The following KIAA1328 variants were observed in gnomAD, a reference collection of about 807,000 sequenced individuals.
KIAA1328 encodes protein hinderin.
KIAA1328 carries 52 observed loss-of-function variants against 68.1 expected under a neutral mutation model. The observed-to-expected ratio is 0.76, with a 90% confidence interval of 0.61 to 0.96. KIAA1328 has a LOEUF of 0.96. Ranked by LOEUF, KIAA1328 falls within the 40% of genes least tolerant of loss-of-function variation. The probability of loss-of-function intolerance (pLI) is 0.00; values close to 1 mark genes in which losing one functional copy is unlikely to be tolerated. For missense variants in KIAA1328, 641 were observed against 677.6 expected, an observed-to-expected ratio of 0.95 and a Z score of 0.60; for synonymous variants, 232 against 239.4, an observed-to-expected ratio of 0.97 and a Z score of 0.28.
chr18:37,185,374 C>G (rs2059776096), intron 9 of KIAA1328, among the ~76,000 whole-genome samples: 1 of 152,010 alleles, frequency 6.6e-6, no homozygotes, highest in East Asian at 1.9e-4. Flanking sequence ...TGGAAAACAT[C>G]AAATCTTACT....
intron 6 of KIAA1328, among the ~76,000 whole-genome samples, chr18:37,027,990 C>G (rs548214721): frequency 1.6e-4 from 25 of 152,182 alleles, no homozygotes; most frequent in Admixed American, 1.6e-3. Context: ...CCAGAATCTA[C>G]AAAGAACTCA....
intron 9 of KIAA1328, among the ~76,000 whole-genome samples, chr18:37,220,729 G>A (rs1287933825): frequency 6.6e-6 from 1 of 152,216 alleles, no homozygotes; most frequent in Non-Finnish European, 1.5e-5. Flanking sequence ...TGCTGCTTCT[G>A]CCATTGTCAC....
chr18:36,851,928 A>T (rs983943992), intron 4 of KIAA1328, among the ~76,000 whole-genome samples: 5 of 151,606 alleles, frequency 3.3e-5, no homozygotes, highest in East Asian at 1.9e-4. Context: ...ATAGCTATAA[A>T]TTTTCCTCTG....
intron 6 of KIAA1328, among the ~76,000 whole-genome samples, chr18:36,981,163 C>T (rs896460853): frequency 5.9e-5 from 9 of 152,102 alleles, no homozygotes; most frequent in Non-Finnish European, 1.2e-4. Context: ...ATTTATAGGG[C>T]ATTGGGTAGA....
At chr18:37,117,881 A>T (rs1364220740) in intron 7 of KIAA1328, among the ~76,000 whole-genome samples, 2 of 131,104 alleles carry the variant, frequency 1.5e-5, no homozygotes, top group Non-Finnish European at 3.3e-5. Flanking sequence ...TGGTTTAAAA[A>T]AAAAAAATAT....
Position 36,999,295 on chromosome 18 carries a change from A to G in KIAA1328, c.576+39860A>G, listed in dbSNP as rs527770079. Among the ~76,000 whole-genome samples the G allele has an allele frequency of 2.0e-5, 3 of 152,342 alleles. No homozygotes were observed. The East Asian group carries it at 5.8e-4, about 29-fold the overall frequency. ...TATTTGGGACACAAAGACACTGAAT[A>G]TTTGAATTATCAGTATTTTAAAGAG... is the stretch of plus-strand genomic sequence containing the variant. On this transcript the variant is annotated intron_variant, in intron 6 of 9. Coordinates refer to ENST00000280020, the MANE Select transcript of KIAA1328 (RefSeq NM_020776.3).
At chr18:37,008,621 C>T (rs2053866103) in intron 6 of KIAA1328, among the ~76,000 whole-genome samples, 1 of 152,154 alleles carries the variant, frequency 6.6e-6, no homozygotes, top group South Asian at 2.1e-4. Flanking sequence ...GACTTTAAAG[C>T]AGCTATTATA....
At chr18:36,982,444 C>G (rs1049919264) in intron 6 of KIAA1328, among the ~76,000 whole-genome samples, 3 of 151,344 alleles carry the variant, frequency 2.0e-5, no homozygotes, top group African/African-American at 7.3e-5. Flanking sequence ...AATATGACAG[C>G]AGGTTCTTGC....
At chr18:37,187,269 T>C (rs1015819345) in intron 9 of KIAA1328, among the ~76,000 whole-genome samples, 7 of 150,718 alleles carry the variant, frequency 4.6e-5, no homozygotes, top group African/African-American at 7.3e-5. Flanking sequence ...AAGGGAAGAG[T>C]GATTAATGTT....
chr18:36,959,553 C>T, intron 6 of KIAA1328, 118 bp downstream of exon 6: 1 of 1,096,770 alleles, frequency 9.1e-7, no homozygotes, highest in Admixed American at 2.9e-5. Flanking sequence ...AAACATGTAG[C>T]CACTGCGTGT....
chr18:36,956,542 G>T (rs892429325), intron 5 of KIAA1328, among the ~76,000 whole-genome samples: 8 of 140,024 alleles, frequency 5.7e-5, no homozygotes, highest in African/African-American at 2.1e-4. Context: ...GAGGAAGGAA[G>T]TGGGGGGGGG....
chr18:36,854,188 G>A (rs1240320422), intron 4 of KIAA1328, among the ~76,000 whole-genome samples: 1 of 152,162 alleles, frequency 6.6e-6, no homozygotes, highest in Non-Finnish European at 1.5e-5. Context: ...ACTATGTGAG[G>A]ACACAGCAAG....
chr18:36,995,246 T>C (rs2053343490), intron 6 of KIAA1328, among the ~76,000 whole-genome samples: 1 of 152,150 alleles, frequency 6.6e-6, no homozygotes, highest in Non-Finnish European at 1.5e-5. Flanking sequence ...CTGAGAATGA[T>C]GGTTTTCAGC....
chr18:36,882,794 G>T (rs116262107), intron 4 of KIAA1328, among the ~76,000 whole-genome samples: 1,920 of 152,236 alleles, frequency 0.013, 37 homozygotes, highest in African/African-American at 0.044. Context: ...TGACCTGGTT[G>T]GGCTCTAGAG....
At chr18:37,174,804 A>G (rs2059568991) in intron 9 of KIAA1328, among the ~76,000 whole-genome samples, 1 of 151,928 alleles carries the variant, frequency 6.6e-6, no homozygotes, top group Non-Finnish European at 1.5e-5. Flanking sequence ...TGTGTTAGCC[A>G]GGATGGTCTT....
At chr18:36,918,184 C>T (rs2049781174) in intron 5 of KIAA1328, among the ~76,000 whole-genome samples, 1 of 151,864 alleles carries the variant, frequency 6.6e-6, no homozygotes. Flanking sequence ...TTTTTGTATC[C>T]AATCAGTCTC....
chr18:37,016,780 A>G, intron 6 of KIAA1328, among the ~76,000 whole-genome samples: 1 of 151,848 alleles, frequency 6.6e-6, no homozygotes, highest in Non-Finnish European at 1.5e-5. Flanking sequence ...GTGTCTGAGG[A>G]TCTTTTGTAT....
At chr18:36,988,616 C>T (rs958275185) in intron 6 of KIAA1328, among the ~76,000 whole-genome samples, 3 of 152,164 alleles carry the variant, frequency 2.0e-5, no homozygotes, top group Non-Finnish European at 4.4e-5. Flanking sequence ...TGCTCTAGGG[C>T]TTGCTATTTA....
chr18:37,142,310 G>A (rs2058784043), intron 7 of KIAA1328, among the ~76,000 whole-genome samples: 1 of 151,910 alleles, frequency 6.6e-6, no homozygotes, highest in South Asian at 2.1e-4. Flanking sequence ...TCCTGCCTCA[G>A]CCTCTTGAGT....
Sources: allele counts gnomAD v4.1 joint callset (sites outside exome capture counted in the v4.1 genomes callset), GRCh38; gene constraint gnomAD v4.1.1; transcripts MANE v1.5; gene names NCBI Gene and HGNC (gene_info 2026-07-23, HGNC 2026-07-21).